The following WDR37 variants were observed in gnomAD, a reference collection of about 807,000 sequenced individuals.
WDR37 encodes WD repeat-containing protein 37.
In WDR37, 19 loss-of-function variants were observed where a neutral mutation model predicts 62.9. The observed-to-expected ratio is 0.30, with a 90% CI of 0.21 to 0.44. The LOEUF (loss-of-function observed/expected upper bound fraction) is 0.44, where lower values mean the gene tolerates loss of function less well. Ranked by LOEUF, WDR37 falls within the 20% of genes least tolerant of loss-of-function variation. The pLI is 1.00. For missense variants in WDR37, 474 were observed against 657.6 expected (o/e 0.72, Z 3.05); for synonymous variants, 250 against 260.9 (o/e 0.96, Z 0.40).
intron 12 of WDR37, 149 bp downstream of exon 12, chr10:1,124,501 C>T: frequency 1.7e-6 from 2 of 1,204,732 alleles, no homozygotes; most frequent in Non-Finnish European, 2.3e-6. Flanking sequence ...TTTCAGTATT[C>T]CATGAAAACT....
chr10:1,114,252 T>C (rs7091153), intron 11 of WDR37, among the ~76,000 whole-genome samples: 147,679 of 152,298 alleles, frequency 0.97, 71,759 homozygotes, highest in East Asian at 1. Context: ...CCACCATGCC[T>C]GGCCCCAGTA....
rs1220697161 is a variant in WDR37 at position 1,130,043 on chromosome 10, G to A, written c.*699G>A. ...ATTTTGAAATAGGATTCTAATCACTGATTTCAAATATTAAGCAAAATGTAA... is the reference window on the plus strand; with the variant it reads ...ATTTTGAAATAGGATTCTAATCACTAATTTCAAATATTAAGCAAAATGTAA... On this transcript the variant is annotated 3_prime_UTR_variant, in exon 14 of 14. Coordinates refer to ENST00000263150, the MANE Select transcript of WDR37 (RefSeq NM_014023.4). 2 of 152,618 alleles carry A rather than the reference G, an allele frequency of 1.3e-5. No individual in the cohort carries two copies. The highest frequency in any genetic ancestry group is 4.8e-5 in the African/African-American group (2 of 41,430). 9.5% of individuals were successfully genotyped at this position (152,618 alleles called of 1,614,324 possible).
chr10:1,072,432 A>T, intron 2 of WDR37, 139 bp downstream of exon 2: 1 of 1,184,722 alleles, frequency 8.4e-7, no homozygotes, highest in Admixed American at 2.3e-5. Context: ...CTCCTGCCTC[A>T]GCCTACTGAG....
chr10:1,118,589 C>T (rs1183677988), intron 11 of WDR37, among the ~76,000 whole-genome samples: 1 of 152,248 alleles, frequency 6.6e-6, no homozygotes, highest in African/African-American at 2.4e-5. Context: ...CATGAAGTCC[C>T]TGCAGGCATC....
intron 11 of WDR37, among the ~76,000 whole-genome samples, chr10:1,118,972 A>G (rs1322553596): frequency 6.6e-6 from 1 of 152,224 alleles, no homozygotes; most frequent in East Asian, 1.9e-4. Flanking sequence ...ACTGCTCCTG[A>G]ACATTCTAAA....
At chr10:1,108,456 G>T (rs555688103) in intron 11 of WDR37, among the ~76,000 whole-genome samples, 1 of 152,304 alleles carries the variant, frequency 6.6e-6, no homozygotes, top group Admixed American at 6.5e-5. Flanking sequence ...AAGCGCTCCT[G>T]CAGTTAAGAT....
chr10:1,064,676 A>G (rs1833485870), intron 1 of WDR37, among the ~76,000 whole-genome samples: 1 of 136,550 alleles, frequency 7.3e-6, no homozygotes, highest in African/African-American at 2.8e-5. Flanking sequence ...GCTCACTACA[A>G]CCTCTGCCTC....
In WDR37 at chr10:1,131,928, C is replaced by G. The variant is rs1401255967; in HGVS notation, c.*2584C>G. The stretch of plus-strand genomic sequence containing the variant: ...CAAAGCAACTCTTTTTCAACCACTG[C>G]TCATCAGTTTCTGTAGAGACAAAAA... On this transcript the variant is annotated 3_prime_UTR_variant, in exon 14 of 14. Transcript: ENST00000263150. The G allele has an allele frequency of 1.3e-5, 2 of 152,564 alleles. No individual in the cohort carries two copies. Among genetic ancestry groups the G allele is most frequent in the Non-Finnish European group, 2.9e-5 (2 of 68,026 alleles). 9.5% of individuals were successfully genotyped at this position (152,564 alleles called of 1,614,324 possible). A position where few individuals can be genotyped will look rare whatever the true frequency, so the allele number is the denominator to read the frequency against.
At chr10:1,090,399 TC>T (rs1284683153) in intron 7 of WDR37, among the ~76,000 whole-genome samples, 4 of 152,224 alleles carry the variant, frequency 2.6e-5, no homozygotes, top group African/African-American at 9.6e-5. Flanking sequence ...CTTCAGGTGA[TC>T]CAGCCGCCTC....
At chr10:1,095,327 T>G (rs1481752023) in intron 8 of WDR37, among the ~76,000 whole-genome samples, 2 of 138,482 alleles carry the variant, frequency 1.4e-5, no homozygotes, top group African/African-American at 5.7e-5. Context: ...GAATGTGAGG[T>G]AATGGGGATA....
At chr10:1,084,952 C>G (rs1043756879) in intron 6 of WDR37, among the ~76,000 whole-genome samples, 16 of 152,300 alleles carry the variant, frequency 1.1e-4, no homozygotes, top group African/African-American at 3.6e-4. Context: ...AATCAGTATT[C>G]CAATTATTTG....
chr10:1,107,319 C>G (rs113299810), intron 11 of WDR37, among the ~76,000 whole-genome samples: 1 of 32 alleles, frequency 0.031, no homozygotes, highest in Non-Finnish European at 0.062. Flanking sequence ...GGCAGAGGGG[C>G]CCGCATGACT....
intron 11 of WDR37, among the ~76,000 whole-genome samples, chr10:1,113,950 C>CTTTTT (rs56654628): frequency 0.13 from 9,965 of 76,016 alleles, 1,781 homozygotes; most frequent in Non-Finnish European, 0.17. Context: ...GGTAAAATGC[C>CTTTTT]TTTTTTTTTT....
chr10:1,063,608 A>G (rs1833442287), intron 1 of WDR37, among the ~76,000 whole-genome samples: 2 of 152,190 alleles, frequency 1.3e-5, no homozygotes, highest in South Asian at 4.1e-4. Context: ...GGGTGGTGAC[A>G]GAGCACAGCC....
chr10:1,120,367 C>T (rs938530619), intron 11 of WDR37, among the ~76,000 whole-genome samples: 2 of 152,204 alleles, frequency 1.3e-5, no homozygotes, highest in African/African-American at 4.8e-5. Flanking sequence ...TATGAAGCGC[C>T]GCCTCCGAGG....
chr10:1,057,732 G>A (rs1411671388), intron 1 of WDR37, among the ~76,000 whole-genome samples: 2 of 152,172 alleles, frequency 1.3e-5, no homozygotes, highest in East Asian at 3.8e-4. Context: ...AGGTCTGCCA[G>A]GTTTTTAGAG....
At chr10:1,126,370 C>A (rs376336276) in intron 13 of WDR37, among the ~76,000 whole-genome samples, 55 of 149,336 alleles carry the variant, frequency 3.7e-4, no homozygotes, top group South Asian at 2.3e-3. Flanking sequence ...CGCGCCACTG[C>A]ACTCCAGCCT....
chr10:1,089,333 A>T (rs1456150699), intron 7 of WDR37, among the ~76,000 whole-genome samples: 2 of 152,010 alleles, frequency 1.3e-5, no homozygotes, highest in Non-Finnish European at 2.9e-5. Flanking sequence ...CTGTGCCTTG[A>T]GGGAGTGCGT....
intron 11 of WDR37, among the ~76,000 whole-genome samples, chr10:1,113,950 CTTTT>C (rs56654628): frequency 2.4e-4 from 18 of 76,196 alleles, no homozygotes; most frequent in Admixed American, 1.5e-3. Context: ...GGTAAAATGC[CTTTT>C]TTTTTTTTTT....
Sources: allele counts gnomAD v4.1 joint callset (sites outside exome capture counted in the v4.1 genomes callset), GRCh38; gene constraint gnomAD v4.1.1; transcripts MANE v1.5; gene names NCBI Gene and HGNC (gene_info 2026-07-23, HGNC 2026-07-21).